PARD3B: variants seen among roughly 807,000 people sequenced by gnomAD.
The protein encoded by PARD3B is par-3 family cell polarity regulator beta, also known as partitioning defective 3 homolog B.
In PARD3B, 103 loss-of-function variants were observed where a neutral mutation model predicts 130.2. The ratio of observed to expected loss-of-function variants is 0.79; its 90% CI spans 0.67 to 0.93. The LOEUF is 0.93. Among genes scored for constraint, PARD3B ranks in the 40% least tolerant of loss-of-function variants. The probability of loss-of-function intolerance (pLI) is 0.00; values close to 1 mark genes in which losing one functional copy is unlikely to be tolerated. For missense variants in PARD3B, 1,609 were observed against 1,499.2 expected, an observed-to-expected ratio of 1.07 and a Z score of -1.21; for synonymous variants, 583 against 553.2, an observed-to-expected ratio of 1.05 and a Z score of -0.76.
At chr2:205,299,093 G>C (rs1207430) in intron 16 of PARD3B, among the ~76,000 whole-genome samples, 126,666 of 152,152 alleles carry the variant, frequency 0.83, 52,987 homozygotes, top group South Asian at 0.9. Context: ...TAGCTATTAC[G>C]ATTATTCATT....
At position 204,953,063 on chromosome 2, in the gene PARD3B, T is replaced by G. The variant is rs141752570; in HGVS notation, c.223-12089T>G. On this transcript the variant is annotated intron_variant, in intron 2 of 22. Transcript: ENST00000406610. ...GTATATATGTATATATACGTATATA[T>G]ATAGAGAGAGAGGGAGAGAGAGAGA... Among the ~76,000 whole-genome samples, 1,271 of 132,134 alleles carry G rather than the reference T, an allele frequency of 9.6e-3. 21 individuals carry two copies. The highest frequency in any genetic ancestry group is 0.033 in the African/African-American group (1,172 of 35,694). The allele number at this position is 132,134 out of a possible 152,430, so 86.7% of individuals were successfully genotyped here.
In PARD3B at chr2:205,257,131, T is replaced by C. The variant is rs558716588; in HGVS notation, c.2185+11309T>C. On this transcript the variant is annotated intron_variant, in intron 16 of 22. Coordinates refer to ENST00000406610, the MANE Select transcript of PARD3B (RefSeq NM_001302769.2). ...ATAATTAGGGGGTTAATGAAGAATGTGTGAAATGAAAGAGAAAACTTAAAG... is the reference window on the plus strand; with the variant it reads ...ATAATTAGGGGGTTAATGAAGAATGCGTGAAATGAAAGAGAAAACTTAAAG... 8.5e-5 allele frequency among the ~76,000 whole-genome samples: 13 copies of C among 152,216 alleles called. No homozygotes were observed. In the South Asian group the frequency reaches 2.7e-3, roughly 32 times the overall value.
intron 4 of PARD3B, among the ~76,000 whole-genome samples, chr2:205,104,080 C>T (rs1432009831): frequency 1.3e-5 from 2 of 152,168 alleles, no homozygotes; most frequent in African/African-American, 2.4e-5. Flanking sequence ...TAATATATCA[C>T]CATCTGTCAC....
chr2:205,110,649 T>TTG (rs1553615870), intron 5 of PARD3B, among the ~76,000 whole-genome samples: 1 of 147,724 alleles, frequency 6.8e-6, no homozygotes, highest in Non-Finnish European at 1.5e-5. Flanking sequence ...TTGTTTTTTT[T>TTG]GTAAGTGGCT....
intron 2 of PARD3B, among the ~76,000 whole-genome samples, chr2:204,780,287 C>T (rs2041788451): frequency 6.6e-6 from 1 of 152,106 alleles, no homozygotes; most frequent in Non-Finnish European, 1.5e-5. Context: ...TTCAGACAGT[C>T]ATGACCCTTT....
chr2:204,924,498 AT>A (rs774242283), intron 2 of PARD3B, among the ~76,000 whole-genome samples: 1 of 152,100 alleles, frequency 6.6e-6, no homozygotes, highest in Non-Finnish European at 1.5e-5. Context: ...TATTAAAAAT[AT>A]ATGAAGATAT....
intron 2 of PARD3B, among the ~76,000 whole-genome samples, chr2:204,901,943 A>T (rs911039149): frequency 2.6e-5 from 4 of 151,906 alleles, no homozygotes; most frequent in African/African-American, 7.3e-5. Flanking sequence ...CTAGTGCCCT[A>T]TTCTACTGTG....
chr2:204,787,861 C>T (rs1448512859), intron 2 of PARD3B, among the ~76,000 whole-genome samples: 1 of 152,098 alleles, frequency 6.6e-6, no homozygotes, highest in African/African-American at 2.4e-5. Flanking sequence ...GGTGGGTTGT[C>T]CCATTTTCCA....
Position 205,547,632 on chromosome 2 carries a change from G to A in PARD3B, c.3181-5692G>A, listed in dbSNP as rs149118735. The stretch of plus-strand genomic sequence containing the variant: ...TCATATCAGGAGCCACCATGATTAG[G>A]AAGATGCCACAATCAGAAAGCCACC... On this transcript the variant is annotated intron_variant, in intron 21 of 22. Coordinates refer to ENST00000406610, the MANE Select transcript of PARD3B (RefSeq NM_001302769.2). Among the ~76,000 whole-genome samples the A allele has an allele frequency of 7.7e-3, 1,170 of 152,150 alleles. 8 individuals carry two copies. The highest frequency in any genetic ancestry group is 0.015 in the South Asian group (70 of 4,822).
intron 16 of PARD3B, among the ~76,000 whole-genome samples, chr2:205,261,378 CTT>C (rs998201429): frequency 6.6e-6 from 1 of 152,098 alleles, no homozygotes; most frequent in Non-Finnish European, 1.5e-5. Flanking sequence ...ACCATTGTGT[CTT>C]TGCAGAATGA....
chr2:204,865,112 TA>T (rs545446933), intron 2 of PARD3B, among the ~76,000 whole-genome samples: 4 of 150,776 alleles, frequency 2.7e-5, no homozygotes, highest in East Asian at 3.9e-4. Flanking sequence ...ACGGCCATAA[TA>T]AAAAAAAATA....
chr2:204,790,478 AG>A (rs2042162466), intron 2 of PARD3B, among the ~76,000 whole-genome samples: 1 of 152,240 alleles, frequency 6.6e-6, no homozygotes, highest in Non-Finnish European at 1.5e-5. Context: ...GTTGAAGTTC[AG>A]GGAAGAGATT....
intron 2 of PARD3B, among the ~76,000 whole-genome samples, chr2:204,729,984 TACACACACACACAAACACACACACAC>T (rs1438113663): frequency 2.4e-5 from 2 of 81,730 alleles, no homozygotes; most frequent in African/African-American, 8.6e-5. Context: ...TAGTTACAGA[TACACACACACACAAACACACACACAC>T]ACACACACAC....
chr2:204,632,836 T>C (rs540095374), intron 1 of PARD3B, among the ~76,000 whole-genome samples: 1 of 152,324 alleles, frequency 6.6e-6, no homozygotes, highest in Non-Finnish European at 1.5e-5. Flanking sequence ...GGTCAAGGTG[T>C]TTCTCTAATC....
chr2:205,391,534 TTTCC>T (rs2045859897), intron 18 of PARD3B, among the ~76,000 whole-genome samples: 1 of 152,230 alleles, frequency 6.6e-6, no homozygotes, highest in African/African-American at 2.4e-5. Context: ...AAAAGATCTA[TTTCC>T]ATAATGTTCC....
In PARD3B at chr2:205,146,080, G is replaced by A. The variant is rs923428817; in HGVS notation, c.1435-12642G>A. On this transcript the variant is annotated intron_variant, in intron 10 of 22. Transcript: ENST00000406610. The surrounding 1 kb of genome is among the most constrained non-coding windows in gnomAD (Gnocchi z 4.3). ...AGCGAAGGGCACCTGCACATCAGTC[G>A]GTGCCACCCTTGCTTCCTGGGTGCA... Among the ~76,000 whole-genome samples the A allele has an allele frequency of 7.9e-5, 12 of 152,188 alleles. No homozygotes were observed. Among genetic ancestry groups the A allele is most frequent in the African/African-American group, 2.2e-4 (9 of 41,454 alleles).
At chr2:205,242,290 A>G (rs2039385753) in intron 15 of PARD3B, among the ~76,000 whole-genome samples, 1 of 152,208 alleles carries the variant, frequency 6.6e-6, no homozygotes, top group Non-Finnish European at 1.5e-5. Context: ...TAAAATAATG[A>G]TAAGTATAAG....
At chr2:204,698,226 T>C (rs1264841119) in intron 2 of PARD3B, among the ~76,000 whole-genome samples, 1 of 152,180 alleles carries the variant, frequency 6.6e-6, no homozygotes, top group African/African-American at 2.4e-5. Flanking sequence ...GCTTAGGCTC[T>C]ATTTTTTGGG....
At chr2:204,576,994 G>A (rs1374713) in intron 1 of PARD3B, among the ~76,000 whole-genome samples, 131,259 of 152,150 alleles carry the variant, frequency 0.86, 56,977 homozygotes, top group Middle Eastern at 0.94. Context: ...CCATGATAGT[G>A]TTTGAATTTG....
Sources: allele counts gnomAD v4.1 joint callset (sites outside exome capture counted in the v4.1 genomes callset), GRCh38; gene constraint gnomAD v4.1.1; non-coding constraint Gnocchi (gnomAD v3.1); transcripts MANE v1.5; gene names NCBI Gene and HGNC (gene_info 2026-07-23, HGNC 2026-07-21).